TPCN1: variants seen among roughly 807,000 people sequenced by gnomAD.
TPCN1 encodes two pore segment channel 1.
Under a neutral mutation model 108.8 loss-of-function variants are expected in TPCN1, and 52 were observed. That is an observed-to-expected ratio of 0.48 (90% confidence interval 0.38 to 0.60). TPCN1 has a LOEUF of 0.60. TPCN1 is among the 20% of genes least tolerant of loss of function. The pLI is 0.00. For missense variants in TPCN1, 806 were observed against 1,072.8 expected (o/e 0.75, Z 3.47); for synonymous variants, 446 against 433.7 (o/e 1.03, Z -0.35).
In TPCN1 at chr12:113,278,230, A is replaced by C; in HGVS notation, c.1226A>C (p.Lys409Thr). Residue 409 changes from lysine (K) to threonine (T), a missense_variant, in exon 13 of 28, where the codon AAG becomes ACG. Lys to Thr is a moderately conservative substitution (Grantham distance 78). Transcript: ENST00000335509. ...FYDIYEVAAL[K>T]WKAKKNREHW... ...GATATCTACGAAGTTGCTGCTTTGA[A>C]GTGGAAGGTGAGTTCTTCTCTGAGA... 1 of 1,613,788 alleles carries C rather than the reference A, an allele frequency of 6.2e-7. No individual in the cohort carries two copies. Among genetic ancestry groups the C allele is most frequent in the Non-Finnish European group, 8.5e-7 (1 of 1,179,796 alleles).
chr12:113,235,932 G>A (rs1383381852), intron 2 of TPCN1, among the ~76,000 whole-genome samples: 2 of 152,160 alleles, frequency 1.3e-5, no homozygotes, highest in African/African-American at 4.8e-5. Flanking sequence ...AAAGGAATAG[G>A]GGAGGAAAGG....
At chr12:113,278,489 G>A (rs889872280) in intron 13 of TPCN1, among the ~76,000 whole-genome samples, 10 of 152,204 alleles carry the variant, frequency 6.6e-5, no homozygotes, top group Non-Finnish European at 7.3e-5. Flanking sequence ...ACATCAGGCG[G>A]GTTACTGAGC....
intron 15 of TPCN1, among the ~76,000 whole-genome samples, chr12:113,281,955 C>T (rs1290415437): frequency 2.8e-5 from 4 of 142,308 alleles, no homozygotes; most frequent in African/African-American, 1.1e-4. Context: ...CACTCTATCT[C>T]TGTCACCCAG....
rs752681513 is a variant in TPCN1, at chr12:113,292,919, C to T, written c.2114-15C>T. 5 of 1,608,352 alleles carry T rather than the reference C, an allele frequency of 3.1e-6. No individual in the cohort carries two copies. The highest frequency in any genetic ancestry group is 1.3e-5 in the African/African-American group (1 of 74,842). Reference sequence around the variant, plus strand: ...AGCCCCGGGCCCTTCCCACACCTGCCTTCCATCCCTGCAGTTGATGGTGGC... The same window carrying T: ...AGCCCCGGGCCCTTCCCACACCTGCTTTCCATCCCTGCAGTTGATGGTGGC... On this transcript the variant is annotated splice_polypyrimidine_tract_variant and intron_variant, in intron 25 of 27. Transcript: ENST00000335509.
intron 3 of TPCN1, among the ~76,000 whole-genome samples, chr12:113,262,529 A>G: frequency 6.6e-6 from 1 of 152,100 alleles, no homozygotes; most frequent in East Asian, 1.9e-4. Flanking sequence ...GTTTTGTTTC[A>G]AATTAAGGCA....
At chr12:113,225,941 A>G (rs981189353) in intron 1 of TPCN1, among the ~76,000 whole-genome samples, 17 of 152,124 alleles carry the variant, frequency 1.1e-4, no homozygotes, top group Admixed American at 2.0e-4. Flanking sequence ...TGTAGCCTTG[A>G]ACTCCTGGGC....
intron 23 of TPCN1, 86 bp from the exon 24 acceptor site, chr12:113,291,523 A>G: frequency 1.7e-6 from 2 of 1,185,798 alleles, no homozygotes; most frequent in South Asian, 2.6e-5. Context: ...GGGTCTGCGA[A>G]GAGCCGGGGC....
At chr12:113,258,533 A>G (rs1414138029) in intron 2 of TPCN1, among the ~76,000 whole-genome samples, 2 of 151,888 alleles carry the variant, frequency 1.3e-5, no homozygotes, top group South Asian at 2.1e-4. Context: ...TGTAATCTCA[A>G]CACTTTGGGA....
intron 15 of TPCN1, among the ~76,000 whole-genome samples, chr12:113,282,477 T>C (rs1955920935): frequency 6.6e-6 from 1 of 151,678 alleles, no homozygotes; most frequent in Non-Finnish European, 1.5e-5. Context: ...TGGCCGGGCA[T>C]GGTGGCTCAG....
At chr12:113,250,449 T>C (rs928464826) in intron 2 of TPCN1, among the ~76,000 whole-genome samples, 1 of 152,230 alleles carries the variant, frequency 6.6e-6, no homozygotes, top group Admixed American at 6.5e-5. Flanking sequence ...CCAATAGCTG[T>C]GGAGCCTCTT....
In TPCN1 at chr12:113,276,962, G is replaced by A. The variant is rs772280051; in HGVS notation, c.986G>A (p.Arg329His). Reference protein sequence around the residue: ...VFDTFNDIEKRKFKSLLLHKR... With the variant: ...VFDTFNDIEKHKFKSLLLHKR... ...GACACCTTCAATGACATTGAGAAAC[G>A]CAAGTTCAAGTCTTTGCTACTGCAC... The change falls in exon 11 of 28, where the codon CGC (arginine) becomes CAC (histidine). Residue 329 changes from arginine to histidine, a missense_variant. Physicochemically the swap from Arg to His is conservative, Grantham distance 29. Coordinates refer to ENST00000335509, the MANE Select transcript of TPCN1 (RefSeq NM_017901.6). 3.1e-6 allele frequency: 5 copies of A among 1,613,908 alleles called. No homozygotes were observed. Among genetic ancestry groups the A allele is most frequent in the Middle Eastern group, 3.3e-4 (2 of 6,076 alleles).
rs1326681513 is a variant in TPCN1, at chr12:113,278,214, G to A, written c.1210G>A (p.Glu404Lys). 3.1e-6 allele frequency: 5 copies of A among 1,613,690 alleles called. No homozygotes were observed. The highest frequency in any genetic ancestry group is 2.2e-5 in the East Asian group (1 of 44,856). ...CCTAAAGGACTTTTACGATATCTAC[G>A]AAGTTGCTGCTTTGAAGTGGAAGGT... is the stretch of plus-strand genomic sequence containing the variant. ...LSLKDFYDIY[E>K]VAALKWKAKK... The change falls in exon 13 of 28, where the codon GAA (glutamate) becomes AAA (lysine). Residue 404 changes from glutamate (E) to lysine (K), a missense_variant. By Grantham distance (56) the Glu-to-Lys change is moderately conservative (BLOSUM62 1). Transcript: ENST00000335509.
In TPCN1 at chr12:113,266,334, C is replaced by G. The variant is rs1253548453; in HGVS notation, c.392C>G (p.Pro131Arg). 1 of 1,609,122 alleles carries G rather than the reference C, an allele frequency of 6.2e-7. No individual in the cohort carries two copies. The highest frequency in any genetic ancestry group is 1.3e-5 in the African/African-American group (1 of 74,948). The change falls in exon 4 of 28, where the codon CCC becomes CGC. Residue 131 changes from proline to arginine, a missense_variant. By Grantham distance (103) the Pro-to-Arg change is moderately radical. Coordinates refer to ENST00000335509, the MANE Select transcript of TPCN1 (RefSeq NM_017901.6). The surrounding 1 kb of genome is among the most constrained non-coding windows in gnomAD (Gnocchi z 4.2). Reference protein sequence around the residue: ...LLSLCEAPAVPALRLGIYVHA... With the variant: ...LLSLCEAPAVRALRLGIYVHA... The stretch of plus-strand genomic sequence containing the variant: ...TCCCTGTGCGAGGCCCCCGCCGTCC[C>G]CGCACTCCGGCTTGGCATCTATGTG...
chr12:113,291,667 T>C lies in TPCN1; in HGVS notation c.2018T>C (p.Ile673Thr), dbSNP rs779514406. 21 of 1,613,776 alleles carry C rather than the reference T, an allele frequency of 1.3e-5. No homozygotes were observed. Among genetic ancestry groups the C allele is most frequent in the Non-Finnish European group, 1.6e-5 (19 of 1,179,914 alleles). Residue 673 changes from isoleucine (I) to threonine (T), a missense_variant, in exon 24 of 28, where the codon ATT (isoleucine) becomes ACT (threonine). Transcript: ENST00000335509. Reference protein sequence around the residue: ...WSRLYFMTFYIVTMVVMTIIV... With the variant: ...WSRLYFMTFYTVTMVVMTIIV... The stretch of plus-strand genomic sequence containing the variant: ...CGCCTCTACTTCATGACCTTTTACA[T>C]TGTGACCATGGTAGGTCCCGGACCA...
rs567968438 is a variant in TPCN1 at position 113,226,669 on chromosome 12, C to G, written c.-125-59C>G. The stretch of plus-strand genomic sequence containing the variant: ...CCACTATCTAATTTCAGAATAGATT[C>G]ATCAGTCATGGCTGTATTTTAATAA... On this transcript the variant is annotated intron_variant, in intron 1 of 27. Coordinates refer to ENST00000335509, the MANE Select transcript of TPCN1 (RefSeq NM_017901.6). 72 of 1,288,018 alleles carry G rather than the reference C, an allele frequency of 5.6e-5. 1 individual carries two copies. Among genetic ancestry groups the G allele is most frequent in the South Asian group, 5.5e-4 (37 of 67,194 alleles). 79.8% of individuals were successfully genotyped at this position (1,288,018 alleles called of 1,614,324 possible).
rs1953667553 is a variant in TPCN1 at position 113,231,027 on chromosome 12, G to C, written c.112+4063G>C. The stretch of plus-strand genomic sequence containing the variant: ...TGCTGTAAACCTTTGAAGTACTAAG[G>C]AGTTGGCAGAATGCAGATGCAGGCC... On this transcript the variant is annotated intron_variant, in intron 2 of 27. Coordinates refer to ENST00000335509, the MANE Select transcript of TPCN1 (RefSeq NM_017901.6). The surrounding 1 kb of genome is among the most constrained non-coding windows in gnomAD (Gnocchi z 4.3). Among the ~76,000 whole-genome samples the C allele has an allele frequency of 6.6e-6, 1 of 152,232 alleles. No individual in the cohort carries two copies. The highest frequency in any genetic ancestry group is 2.4e-5 in the African/African-American group (1 of 41,456).
At chr12:113,258,457 C>T (rs1270562919) in intron 2 of TPCN1, among the ~76,000 whole-genome samples, 2 of 151,572 alleles carry the variant, frequency 1.3e-5, no homozygotes, top group Non-Finnish European at 2.9e-5. Context: ...CAGAGTGAGA[C>T]TCCATCTCAA....
At chr12:113,271,146 A>G (rs6489893) in intron 7 of TPCN1, among the ~76,000 whole-genome samples, 152,023 of 152,132 alleles carry the variant, frequency 1, 75,957 homozygotes, top group Middle Eastern at 1. Context: ...GGCATGTGGC[A>G]TGCACCTGTG....
rs1341594278 is a variant in TPCN1 at position 113,291,807 on chromosome 12, G to A, written c.2029-67G>A. The A allele has an allele frequency of 2.5e-6, 4 of 1,568,800 alleles. No individual in the cohort carries two copies. In the South Asian group the frequency reaches 3.3e-5, roughly 13 times the overall value. ...GGCCGGACTCTGTTGGGCGTGGGCT[G>A]CGCAGCCACGGACACCTACCCACCC... On this transcript the variant is annotated intron_variant, in intron 24 of 27. Coordinates refer to ENST00000335509, the MANE Select transcript of TPCN1 (RefSeq NM_017901.6).
Sources: allele counts gnomAD v4.1 joint callset (sites outside exome capture counted in the v4.1 genomes callset), GRCh38; gene constraint gnomAD v4.1.1; non-coding constraint Gnocchi (gnomAD v3.1); transcripts MANE v1.5; gene names NCBI Gene and HGNC (gene_info 2026-07-23, HGNC 2026-07-21).